Variants in EPHA3 observed in about 807,000 individuals in gnomAD.
EPHA3 encodes the protein EPH receptor A3.
A neutral mutation model predicts 107.1 loss-of-function variants in EPHA3; 42 were observed. The ratio of observed to expected loss-of-function variants is 0.39; its 90% CI spans 0.31 to 0.51. EPHA3 has a LOEUF of 0.51. Among genes scored for constraint, EPHA3 ranks in the 20% least tolerant of loss-of-function variants. The pLI is 0.78. For missense variants in EPHA3, 1,183 were observed against 1,211.2 expected (o/e 0.98, Z 0.35); for synonymous variants, 461 against 424.8 (o/e 1.09, Z -1.05).
chr3:89,328,022 C>T (rs1436486039), intron 3 of EPHA3, among the ~76,000 whole-genome samples: 1 of 151,674 alleles, frequency 6.6e-6, no homozygotes, highest in South Asian at 2.1e-4. Context: ...CACTTAAACC[C>T]GGGAGGCAGA....
At chr3:89,125,923 A>G (rs1428369824) in intron 1 of EPHA3, among the ~76,000 whole-genome samples, 1 of 151,650 alleles carries the variant, frequency 6.6e-6, no homozygotes, top group Non-Finnish European at 1.5e-5. Flanking sequence ...TTCCTTCACA[A>G]AAAAATAGTT....
chr3:89,447,953 G>A (rs1709910163), intron 13 of EPHA3, among the ~76,000 whole-genome samples: 1 of 152,128 alleles, frequency 6.6e-6, no homozygotes, highest in Non-Finnish European at 1.5e-5. Context: ...GTCACATTTT[G>A]ACGAACACGG....
intron 3 of EPHA3, among the ~76,000 whole-genome samples, chr3:89,234,424 C>T (rs1704704857): frequency 6.6e-6 from 1 of 152,138 alleles, no homozygotes; most frequent in Non-Finnish European, 1.5e-5. Flanking sequence ...TCATGTACCA[C>T]AATTAATCTA....
intron 2 of EPHA3, among the ~76,000 whole-genome samples, chr3:89,135,777 G>A (rs1392101387): frequency 6.7e-6 from 1 of 149,518 alleles, no homozygotes; most frequent in Non-Finnish European, 1.5e-5. Context: ...AAAAAACTAT[G>A]TAAAGATAGC....
At position 89,107,791 on chromosome 3, in the gene EPHA3, G is replaced by T. The variant is rs373387079; in HGVS notation, c.43G>T (p.Val15Phe). 20 of 1,614,178 alleles carry T rather than the reference G, an allele frequency of 1.2e-5. 1 individual carries two copies. The highest frequency in any genetic ancestry group is 1.1e-4 in the African/African-American group (8 of 75,042). Residue 15 changes from valine (V) to phenylalanine (F), a missense_variant, in exon 1 of 17, where the codon GTT becomes TTT. Physicochemically the swap from Val to Phe is conservative, Grantham distance 50. Coordinates refer to ENST00000336596, the MANE Select transcript of EPHA3 (RefSeq NM_005233.6). ...LSILLLLSCSVLDSFGELIPQ... is the reference protein window; with the variant it reads ...LSILLLLSCSFLDSFGELIPQ... ...CATCCTCCTCCTTCTCAGCTGCTCT[G>T]TTCTCGACAGCTTCGGGGAACTGAT...
chr3:89,351,741 C>G (rs1471786801), intron 5 of EPHA3, among the ~76,000 whole-genome samples: 2 of 151,182 alleles, frequency 1.3e-5, no homozygotes, highest in African/African-American at 2.4e-5. Context: ...TTGTTCTATA[C>G]TATAATCTCA....
Position 89,447,568 on chromosome 3 carries a change from A to T in EPHA3, c.2347-1657A>T, listed in dbSNP as rs1363714699. Among the ~76,000 whole-genome samples the T allele has an allele frequency of 3.9e-5, 6 of 152,290 alleles. No individual in the cohort carries two copies. In the East Asian group the frequency reaches 1.2e-3, roughly 29 times the overall value. On this transcript the variant is annotated intron_variant, in intron 13 of 16. Transcript: ENST00000336596. Reference sequence around the variant, plus strand: ...CAAGTGCATCTGTGATTAAATAAAAATTTGACATTTTAGCTTCCTCTTCCA... The same window carrying T: ...CAAGTGCATCTGTGATTAAATAAAATTTTGACATTTTAGCTTCCTCTTCCA...
intron 2 of EPHA3, among the ~76,000 whole-genome samples, chr3:89,137,443 A>G (rs1353843145): frequency 1.3e-5 from 2 of 152,024 alleles, no homozygotes; most frequent in Non-Finnish European, 2.9e-5. Flanking sequence ...TGAAAGATTA[A>G]AAAAAGAAAT....
rs758610779 is a variant in EPHA3 at position 89,408,120 on chromosome 3, G to T, written c.1751G>T (p.Gly584Val). 1 of 1,612,670 alleles carries T rather than the reference G, an allele frequency of 6.2e-7. No individual in the cohort carries two copies. The highest frequency in any genetic ancestry group is 1.1e-5 in the South Asian group (1 of 91,022). ...GCAGATGAAAAAAGACTTCATTTTG[G>T]CAATGGGCATTGTAAGTTTCTAAAC... is the stretch of plus-strand genomic sequence containing the variant. ...HGADEKRLHF[G>V]NGHLKLPGLR... Residue 584 changes from glycine (G) to valine (V), a missense_variant, in exon 9 of 17, where the codon GGC (glycine) becomes GTC (valine). By Grantham distance (109) the Gly-to-Val change is moderately radical (BLOSUM62 -3). Coordinates refer to ENST00000336596, the MANE Select transcript of EPHA3 (RefSeq NM_005233.6).
intron 2 of EPHA3, among the ~76,000 whole-genome samples, chr3:89,131,936 G>A (rs1704215190): frequency 6.6e-6 from 1 of 152,184 alleles, no homozygotes; most frequent in African/African-American, 2.4e-5. Flanking sequence ...CCTCCCAGGT[G>A]TTCCTGGAAA....
chr3:89,290,454 T>C (rs928381188), intron 3 of EPHA3, among the ~76,000 whole-genome samples: 3 of 152,152 alleles, frequency 2.0e-5, no homozygotes, highest in East Asian at 1.9e-4. Context: ...AAAGAATGGG[T>C]ACCCTCTCCT....
intron 13 of EPHA3, among the ~76,000 whole-genome samples, chr3:89,434,583 A>G (rs1709631446): frequency 6.6e-6 from 1 of 152,166 alleles, no homozygotes; most frequent in African/African-American, 2.4e-5. Context: ...CAGGATACTC[A>G]AAAGAATAGT....
intron 5 of EPHA3, among the ~76,000 whole-genome samples, chr3:89,393,435 G>C (rs1369839384): frequency 4.6e-5 from 7 of 152,162 alleles, no homozygotes; most frequent in African/African-American, 1.7e-4. Context: ...TCTTTGAAAT[G>C]AATTGTTTTC....
intron 13 of EPHA3, among the ~76,000 whole-genome samples, chr3:89,432,845 T>A (rs911814990): frequency 7.2e-5 from 11 of 152,254 alleles, no homozygotes; most frequent in Non-Finnish European, 1.0e-4. Context: ...TACTTATATA[T>A]AAATCAATGC....
intron 3 of EPHA3, among the ~76,000 whole-genome samples, chr3:89,287,767 A>G (rs1229102275): frequency 2.6e-5 from 4 of 152,142 alleles, no homozygotes. Flanking sequence ...TGTGGAAATT[A>G]GTTCATGTTA....
At position 89,149,044 on chromosome 3, in the gene EPHA3, T is replaced by C. The variant is rs1394599868; in HGVS notation, c.153+21771T>C. Among the ~76,000 whole-genome samples the C allele has an allele frequency of 2.0e-5, 3 of 152,050 alleles. No individual in the cohort carries two copies. In the East Asian group the frequency reaches 5.8e-4, roughly 30 times the overall value. On this transcript the variant is annotated intron_variant, in intron 2 of 16. Transcript: ENST00000336596. Reference sequence around the variant, plus strand: ...GAAGCCAGCGCATACCAATCAGAGATTATAGTTCTTCAAAAGAGACAGAAA... The same window carrying C: ...GAAGCCAGCGCATACCAATCAGAGACTATAGTTCTTCAAAAGAGACAGAAA...
chr3:89,393,791 A>T (rs963089078), intron 5 of EPHA3, among the ~76,000 whole-genome samples: 28 of 148,076 alleles, frequency 1.9e-4, no homozygotes, highest in East Asian at 3.9e-4. Context: ...ATTTTTTTTT[A>T]AAAAATCCAC....
chr3:89,452,542 G>T (rs1710015090), intron 15 of EPHA3, among the ~76,000 whole-genome samples: 1 of 152,004 alleles, frequency 6.6e-6, no homozygotes, highest in Non-Finnish European at 1.5e-5. Context: ...TTTAATAGGG[G>T]TATTATTATT....
chr3:89,456,659 A>G (rs1323927297), intron 15 of EPHA3, among the ~76,000 whole-genome samples: 2 of 152,166 alleles, frequency 1.3e-5, no homozygotes, highest in Non-Finnish European at 2.9e-5. Context: ...GGAAAAGCTG[A>G]TGGTCAGGGT....
Sources: allele counts gnomAD v4.1 joint callset (sites outside exome capture counted in the v4.1 genomes callset), GRCh38; gene constraint gnomAD v4.1.1; transcripts MANE v1.5; gene names NCBI Gene and HGNC (gene_info 2026-07-23, HGNC 2026-07-21).